NEMP2: variants seen among roughly 807,000 people sequenced by gnomAD.
NEMP2 encodes UPF0571 transmembrane protein.
A neutral mutation model predicts 54.2 loss-of-function variants in NEMP2; 53 were observed. That is an observed-to-expected ratio of 0.98 (90% CI 0.78 to 1.23). The LOEUF (loss-of-function observed/expected upper bound fraction) is 1.23, where lower values mean the gene tolerates loss of function less well. NEMP2 is among the 50% of genes most tolerant of loss of function. The pLI is 0.00. For synonymous variants in NEMP2, 197 were observed against 190.3 expected, an observed-to-expected ratio of 1.04 and a Z score of -0.29; for missense variants, 455 against 511.3, an observed-to-expected ratio of 0.89 and a Z score of 1.06.
At chr2:190,644,490 A>C in the NEMP2 span, among the ~76,000 whole-genome samples, 1 of 152,200 alleles carries the variant, frequency 6.6e-6, no homozygotes, top group African/African-American at 2.4e-5. This position sits in a 1 kb window ranked among gnomAD's most constrained non-coding sequence, Gnocchi z 4.4. Context: ...ATTTTCCATG[A>C]ATTACAACTT....
At chr2:190,429,086 A>C in the NEMP2 span, among the ~76,000 whole-genome samples, 2 of 151,906 alleles carry the variant, frequency 1.3e-5, no homozygotes, top group Non-Finnish European at 2.9e-5. Flanking sequence ...TTTATTGGCC[A>C]TTTGTATAGG....
the NEMP2 span, among the ~76,000 whole-genome samples, chr2:190,455,772 T>G: frequency 2.6e-5 from 4 of 151,816 alleles, no homozygotes; most frequent in Non-Finnish European, 5.9e-5. Flanking sequence ...CCTTTTTTTT[T>G]TGTGATTCCT....
chr2:190,430,855 C>T, the NEMP2 span, among the ~76,000 whole-genome samples: 1,574 of 150,294 alleles, frequency 0.01, 39 homozygotes, highest in African/African-American at 0.035. Context: ...TGACCCCCCA[C>T]CTCCCTCCCG....
At chr2:190,480,524 G>T in the NEMP2 span, among the ~76,000 whole-genome samples, 1 of 152,266 alleles carries the variant, frequency 6.6e-6, no homozygotes, top group East Asian at 1.9e-4. Context: ...ATGACATCTT[G>T]CCATCCATAA....
In NEMP2 at chr2:190,514,607, T is replaced by A. The variant is rs1690487775; in HGVS notation, c.799A>T (p.Ser267Cys). Reference sequence around the variant, plus strand: ...AGCATCCACATCAGAAGACTTCTGCTCCTGTCGTCTGCAAGGGGCCCATGC... The same window carrying A: ...AGCATCCACATCAGAAGACTTCTGCACCTGTCGTCTGCAAGGGGCCCATGC... ...YKHGPLADDR[S>C]RSLLMWMLRL... The change falls in exon 7 of 9, where the codon AGC (serine) becomes TGC (cysteine). Residue 267 changes from serine (S) to cysteine (C), a missense_variant. Transcript: ENST00000409150. The surrounding 1 kb of genome is among the most constrained non-coding windows in gnomAD (Gnocchi z 5.7). 5 of 1,551,560 alleles carry A rather than the reference T, an allele frequency of 3.2e-6. No homozygotes were observed. Among genetic ancestry groups the A allele is most frequent in the Non-Finnish European group, 4.4e-6 (5 of 1,146,972 alleles).
the NEMP2 span, among the ~76,000 whole-genome samples, chr2:190,591,105 G>T: frequency 6.6e-6 from 1 of 152,126 alleles, no homozygotes; most frequent in Non-Finnish European, 1.5e-5. This position sits in a 1 kb window ranked among gnomAD's most constrained non-coding sequence, Gnocchi z 5.4. Flanking sequence ...AAATAAGTAG[G>T]ATTCAGGCAC....
the NEMP2 span, among the ~76,000 whole-genome samples, chr2:190,539,754 T>C: frequency 6.6e-6 from 1 of 152,210 alleles, no homozygotes; most frequent in Non-Finnish European, 1.5e-5. This position sits in a 1 kb window ranked among gnomAD's most constrained non-coding sequence, Gnocchi z 4.1. Flanking sequence ...AACTGATTTT[T>C]GTATGTTGAT....
rs1349694495 is a variant in NEMP2 at position 190,528,825 on chromosome 2, C to G, written c.98-3447G>C. 6.6e-6 allele frequency among the ~76,000 whole-genome samples: 1 copy of G among 152,136 alleles called. No homozygotes were observed. The highest frequency in any genetic ancestry group is 1.5e-5 in the Non-Finnish European group (1 of 68,032). On this transcript the variant is annotated intron_variant, in intron 1 of 8. Transcript: ENST00000409150. This position sits in a 1 kb window ranked among gnomAD's most constrained non-coding sequence, Gnocchi z 4.3. ...GACTGTCTCCTAAATCATTCCAAAC[C>G]TGGAGCTCTTAAGAGCAAGATGATG...
the NEMP2 span, among the ~76,000 whole-genome samples, chr2:190,428,505 A>G: frequency 6.6e-6 from 1 of 152,188 alleles, no homozygotes. Flanking sequence ...GCTTGGGACC[A>G]GGAGTATTTT....
At chr2:190,547,212 G>T in the NEMP2 span, among the ~76,000 whole-genome samples, 1 of 152,176 alleles carries the variant, frequency 6.6e-6, no homozygotes, top group African/African-American at 2.4e-5. This position sits in a 1 kb window ranked among gnomAD's most constrained non-coding sequence, Gnocchi z 6.2. Flanking sequence ...TGGTTTCATA[G>T]AAGACAAAAA....
the NEMP2 span, among the ~76,000 whole-genome samples, chr2:190,621,874 T>C: frequency 6.6e-6 from 1 of 152,180 alleles, no homozygotes; most frequent in Non-Finnish European, 1.5e-5. Context: ...TTTGGGAGGC[T>C]GAGGCTGGTG....
chr2:190,471,005 G>T, the NEMP2 span, among the ~76,000 whole-genome samples: 26 of 152,060 alleles, frequency 1.7e-4, no homozygotes, highest in Non-Finnish European at 3.2e-4. This position sits in a 1 kb window ranked among gnomAD's most constrained non-coding sequence, Gnocchi z 4.7. Context: ...TGGAAACTTG[G>T]TCTTTAATAA....
At chr2:190,477,212 A>C in the NEMP2 span, 6 of 958,948 alleles carry the variant, frequency 6.3e-6, no homozygotes, top group Non-Finnish European at 7.4e-6. Context: ...AATAATAATA[A>C]TAACAATGCA....
chr2:190,425,716 A>G, the NEMP2 span, among the ~76,000 whole-genome samples: 1 of 152,200 alleles, frequency 6.6e-6, no homozygotes, highest in Non-Finnish European at 1.5e-5. This position sits in a 1 kb window ranked among gnomAD's most constrained non-coding sequence, Gnocchi z 4.3. Context: ...GTCATGTTGT[A>G]TAATTCTTTT....
the NEMP2 span, among the ~76,000 whole-genome samples, chr2:190,545,680 G>T: frequency 6.6e-6 from 1 of 152,144 alleles, no homozygotes; most frequent in African/African-American, 2.4e-5. Flanking sequence ...TTTTTGGAAA[G>T]AACTCAAATA....
At chr2:190,502,235 G>C (rs1024822116), downstream of NEMP2, 2 of 152,062 alleles carry the variant, frequency 1.3e-5, no homozygotes, top group South Asian at 2.1e-4. This position sits in a 1 kb window ranked among gnomAD's most constrained non-coding sequence, Gnocchi z 4.4. Context: ...TCATGGGTTT[G>C]TGGACTTTGT....
the NEMP2 span, among the ~76,000 whole-genome samples, chr2:190,578,015 G>A: frequency 6.6e-6 from 1 of 152,160 alleles, no homozygotes; most frequent in African/African-American, 2.4e-5. The surrounding 1 kb of genome is among the most constrained non-coding windows in gnomAD (Gnocchi z 4.4). Flanking sequence ...GATCCCAGGG[G>A]ATTAACATAT....
At chr2:190,518,283 C>G (rs1690634086) in intron 4 of NEMP2, among the ~76,000 whole-genome samples, 1 of 152,134 alleles carries the variant, frequency 6.6e-6, no homozygotes, top group Non-Finnish European at 1.5e-5. Context: ...GATAATGTTT[C>G]TCTAAGAGTC....
At chr2:190,609,431 C>A in the NEMP2 span, 3 of 152,000 alleles carry the variant, frequency 2.0e-5, no homozygotes, top group African/African-American at 7.3e-5. This position sits in a 1 kb window ranked among gnomAD's most constrained non-coding sequence, Gnocchi z 4.7. Context: ...TTTGTGGAGG[C>A]CCGAGGAGTT....
Sources: gnomAD v4.1 joint callset for allele counts (sites outside exome capture counted in the v4.1 genomes callset) on GRCh38, gnomAD v4.1.1 for gene constraint, Gnocchi (gnomAD v3.1) non-coding constraint, MANE v1.5 for transcripts, NCBI Gene and HGNC (gene_info 2026-07-23, HGNC 2026-07-21) for gene names.